The following HMGA2 variants were observed in gnomAD, a reference collection of about 807,000 sequenced individuals.
HMGA2 encodes high mobility group AT-hook 2.
In HMGA2, 8 loss-of-function variants were observed where a neutral mutation model predicts 19.1. The ratio of observed to expected loss-of-function variants is 0.42; its 90% CI spans 0.25 to 0.76. The LOEUF (loss-of-function observed/expected upper bound fraction) is 0.76, where lower values mean the gene tolerates loss of function less well. Ranked by LOEUF, HMGA2 falls within the 30% of genes least tolerant of loss-of-function variation. HMGA2 has a pLI of 0.28. For synonymous variants in HMGA2, 60 were observed against 48.8 expected, an observed-to-expected ratio of 1.23 and a Z score of -0.96; for missense variants, 109 against 136.3, an observed-to-expected ratio of 0.80 and a Z score of 1.00.
chr12:65,901,334 A>G (rs1874363611), intron 3 of HMGA2, among the ~76,000 whole-genome samples: 1 of 152,224 alleles, frequency 6.6e-6, no homozygotes, highest in Admixed American at 6.5e-5. Context: ...CAAAGAAGTC[A>G]CTCACATTAT....
intron 3 of HMGA2, among the ~76,000 whole-genome samples, chr12:65,945,222 G>T (rs2121299779): frequency 6.6e-6 from 1 of 150,700 alleles, no homozygotes; most frequent in African/African-American, 2.4e-5. Flanking sequence ...GTGTGGGGGA[G>T]GTTCTTATGC....
intron 3 of HMGA2, among the ~76,000 whole-genome samples, chr12:65,929,927 T>C (rs1447909844): frequency 6.6e-6 from 1 of 152,084 alleles, no homozygotes; most frequent in Non-Finnish European, 1.5e-5. Context: ...ATATTAAGTA[T>C]GGGATATGTG....
chr12:65,958,385 T>C (rs1407874100), intron 4 of HMGA2: 1 of 152,234 alleles, frequency 6.6e-6, no homozygotes, highest in Admixed American at 6.5e-5. Context: ...GGTTATATTG[T>C]TTATATATGT....
At chr12:65,950,364 T>C (rs1876416798) in intron 3 of HMGA2, among the ~76,000 whole-genome samples, 1 of 152,236 alleles carries the variant, frequency 6.6e-6, no homozygotes, top group South Asian at 2.1e-4. Context: ...GGGAAAATTA[T>C]TTAGCATGAA....
chr12:65,938,769 C>G (rs926866249), intron 3 of HMGA2, among the ~76,000 whole-genome samples: 4 of 152,128 alleles, frequency 2.6e-5, no homozygotes, highest in Non-Finnish European at 5.9e-5. Flanking sequence ...ACTACCTCAG[C>G]CTCCTGAGTA....
chr12:65,871,907 A>G (rs1872728502), intron 3 of HMGA2, among the ~76,000 whole-genome samples: 1 of 152,236 alleles, frequency 6.6e-6, no homozygotes, highest in African/African-American at 2.4e-5. Flanking sequence ...TGCCGCAGAA[A>G]ATAACCAATT....
intron 3 of HMGA2, among the ~76,000 whole-genome samples, chr12:65,841,420 G>A (rs199998519): frequency 6.6e-6 from 1 of 152,180 alleles, no homozygotes; most frequent in East Asian, 1.9e-4. Flanking sequence ...GAAATAAAAG[G>A]AAATTGTATA....
rs1301104196 is a variant in HMGA2, at chr12:65,825,557, C to A, written c.111+176C>A. Among the ~76,000 whole-genome samples the A allele has an allele frequency of 6.7e-6, 1 of 150,352 alleles. No homozygotes were observed. Among genetic ancestry groups the A allele is most frequent in the Non-Finnish European group, 1.5e-5 (1 of 67,558 alleles). ...ACGAGTGCGCCGCGCGGCCCCGGGGCGCCAGCAACCCTCCGGGCGGGGAGG... is the reference window on the plus strand; with the variant it reads ...ACGAGTGCGCCGCGCGGCCCCGGGGAGCCAGCAACCCTCCGGGCGGGGAGG... On this transcript the variant is annotated intron_variant, in intron 1 of 4. Coordinates refer to ENST00000403681, the MANE Select transcript of HMGA2 (RefSeq NM_003483.6). This position sits in a 1 kb window ranked among gnomAD's most constrained non-coding sequence, Gnocchi z 4.4.
chr12:65,957,521 C>T (rs900220057), intron 4 of HMGA2: 1 of 151,854 alleles, frequency 6.6e-6, no homozygotes, highest in Admixed American at 6.6e-5. Flanking sequence ...TTTGTTTATG[C>T]AAAAATCCTT....
At chr12:65,961,719 T>C (rs1876756283) in intron 4 of HMGA2, among the ~76,000 whole-genome samples, 1 of 151,834 alleles carries the variant, frequency 6.6e-6, no homozygotes, top group Non-Finnish European at 1.5e-5. Context: ...CAGTGGCCTG[T>C]GATTAAAGCC....
intron 3 of HMGA2, among the ~76,000 whole-genome samples, chr12:65,845,036 C>T (rs1871174827): frequency 6.6e-6 from 1 of 152,194 alleles, no homozygotes; most frequent in African/African-American, 2.4e-5. Flanking sequence ...ACACAGTGTA[C>T]TATCCCTACT....
intron 3 of HMGA2, among the ~76,000 whole-genome samples, chr12:65,904,529 T>C (rs1874504976): frequency 6.6e-6 from 1 of 152,230 alleles, no homozygotes; most frequent in Admixed American, 6.5e-5. Context: ...AAAGAATTAC[T>C]GTTTTATAAA....
chr12:65,865,681 C>T (rs368560759), intron 3 of HMGA2, among the ~76,000 whole-genome samples: 2 of 147,250 alleles, frequency 1.4e-5, no homozygotes. Flanking sequence ...GTCACCCAGG[C>T]TGGAGTGCAG....
At chr12:65,828,284 G>A (rs1171788887) in intron 2 of HMGA2, 197 bp downstream of exon 2, 2 of 451,132 alleles carry the variant, frequency 4.4e-6, no homozygotes, top group African/African-American at 2.2e-5. Flanking sequence ...AAAAGTTTAT[G>A]AAGATACTTA....
At chr12:65,943,025 A>T (rs1422215898) in intron 3 of HMGA2, among the ~76,000 whole-genome samples, 1 of 152,166 alleles carries the variant, frequency 6.6e-6, no homozygotes, top group African/African-American at 2.4e-5. Flanking sequence ...TATCTTTTCC[A>T]TATTTGATGA....
Position 65,963,280 on chromosome 12 carries a change from C to G in HMGA2, c.318C>G (p.Ala106=). ...ETEETSSQES[A]EED ...AAGAGACATCCTCACAAGAGTCTGC[C>G]GAAGAGGACTAGGGGGCGCCAACGT... Residue 106 remains alanine (A), a synonymous_variant, in exon 5 of 5, where the codon GCC becomes GCG. Coordinates refer to ENST00000403681, the MANE Select transcript of HMGA2 (RefSeq NM_003483.6). The G allele has an allele frequency of 6.2e-7, 1 of 1,613,498 alleles. No homozygotes were observed.
chr12:65,868,963 G>A (rs1487304480), intron 3 of HMGA2, among the ~76,000 whole-genome samples: 2 of 152,170 alleles, frequency 1.3e-5, no homozygotes, highest in Admixed American at 6.5e-5. Context: ...AATGCATTGC[G>A]TAGAACTGAG....
chr12:65,905,205 CAT>C (rs1005565839), intron 3 of HMGA2, among the ~76,000 whole-genome samples: 3 of 151,768 alleles, frequency 2.0e-5, no homozygotes, highest in Non-Finnish European at 2.9e-5. Flanking sequence ...CACACACACA[CAT>C]AATAGAAAAT....
chr12:65,867,147 C>T (rs944545882), intron 3 of HMGA2, among the ~76,000 whole-genome samples: 1 of 152,250 alleles, frequency 6.6e-6, no homozygotes, highest in East Asian at 1.9e-4. Flanking sequence ...AACATTGACA[C>T]TAAATTGAGG....
Sources: gnomAD v4.1 joint callset for allele counts (sites outside exome capture counted in the v4.1 genomes callset) on GRCh38, gnomAD v4.1.1 for gene constraint, Gnocchi (gnomAD v3.1) non-coding constraint, MANE v1.5 for transcripts, NCBI Gene and HGNC (gene_info 2026-07-23, HGNC 2026-07-21) for gene names.